CLEC16A: variants seen among roughly 807,000 people sequenced by gnomAD.
CLEC16A encodes the protein protein CLEC16A.
CLEC16A carries 51 observed loss-of-function variants against 109.5 expected under a neutral mutation model. The ratio of observed to expected loss-of-function variants is 0.47; its 90% CI spans 0.37 to 0.59. The LOEUF (loss-of-function observed/expected upper bound fraction) is 0.59, where lower values mean the gene tolerates loss of function less well. Ranked by LOEUF, CLEC16A falls within the 20% of genes least tolerant of loss-of-function variation. CLEC16A has a pLI of 0.00. For missense variants in CLEC16A, 1,339 were observed against 1,394.0 expected (o/e 0.96, Z 0.63); for synonymous variants, 673 against 564.2 (o/e 1.19, Z -2.73).
chr16:11,101,058 TAATA>T (rs1449676433), intron 19 of CLEC16A, among the ~76,000 whole-genome samples: 7 of 152,200 alleles, frequency 4.6e-5, no homozygotes, highest in African/African-American at 7.2e-5. Context: ...TTTGATGAAT[TAATA>T]AATAAAGGAA....
intron 22 of CLEC16A, among the ~76,000 whole-genome samples, chr16:11,137,067 C>G (rs1018347542): frequency 2.0e-5 from 3 of 152,188 alleles, no homozygotes; most frequent in Non-Finnish European, 4.4e-5. Context: ...TCTACTCCAT[C>G]GTGTGAACCA....
rs930064719 is a variant in CLEC16A at position 11,003,119 on chromosome 16, G to A, written c.1117G>A (p.Glu373Lys). The change falls in exon 11 of 24, where the codon GAG becomes AAG. Residue 373 changes from glutamate to lysine, a missense_variant. Around this residue, in one of 3 missense-constraint regions of CLEC16A, gnomAD observed 1,061 missense variants for 1,006.8 expected, o/e 1.05. Transcript: ENST00000409790. ...CTTCATTAAACCCACCGAGACACTC[G>A]AGCGGTCCCTTGAGATGAACAAGCA... is the stretch of plus-strand genomic sequence containing the variant. ...RCFIKPTETL[E>K]RSLEMNKHKG... is the part of the protein sequence containing the mutation. The A allele has an allele frequency of 3.1e-6, 5 of 1,613,604 alleles. No individual in the cohort carries two copies. The highest frequency in any genetic ancestry group is 4.2e-6 in the Non-Finnish European group (5 of 1,179,848).
At chr16:11,042,459 G>T in intron 15 of CLEC16A, 96 bp downstream of exon 15, 1 of 942,718 alleles carries the variant, frequency 1.1e-6, no homozygotes, top group Non-Finnish European at 1.6e-6. Context: ...GCCCTGGCCC[G>T]TGGTGTCATC....
chr16:11,022,194 C>G (rs1014567681), intron 12 of CLEC16A, among the ~76,000 whole-genome samples: 4 of 152,112 alleles, frequency 2.6e-5, no homozygotes, highest in Non-Finnish European at 5.9e-5. Flanking sequence ...GACTGAATGC[C>G]GGGTTAGAGA....
chr16:11,141,417 A>G (rs2053821417), intron 22 of CLEC16A, among the ~76,000 whole-genome samples: 1 of 152,204 alleles, frequency 6.6e-6, no homozygotes, highest in African/African-American at 2.4e-5. Flanking sequence ...GGGATACCTG[A>G]AGTGGTGGGG....
At chr16:11,140,639 C>T (rs187411356) in intron 22 of CLEC16A, among the ~76,000 whole-genome samples, 95 of 152,268 alleles carry the variant, frequency 6.2e-4, no homozygotes, top group African/African-American at 2.1e-3. Flanking sequence ...TTTGTGCTGA[C>T]CCAACACGAA....
At chr16:10,950,342 C>T (rs2041662065) in intron 1 of CLEC16A, among the ~76,000 whole-genome samples, 1 of 152,208 alleles carries the variant, frequency 6.6e-6, no homozygotes, top group South Asian at 2.1e-4. Flanking sequence ...ATATTTGTCA[C>T]AGGATGAACG....
intron 23 of CLEC16A, among the ~76,000 whole-genome samples, chr16:11,172,157 C>T (rs1232719182): frequency 6.6e-6 from 1 of 152,188 alleles, no homozygotes; most frequent in Non-Finnish European, 1.5e-5. Context: ...TGCACATGCT[C>T]ACACAGTCAC....
chr16:11,163,793 C>A (rs1380251659), intron 22 of CLEC16A, among the ~76,000 whole-genome samples: 1 of 152,178 alleles, frequency 6.6e-6, no homozygotes, highest in African/African-American at 2.4e-5. Context: ...CGGGAGCATA[C>A]AAGGTGTAAT....
intron 22 of CLEC16A, among the ~76,000 whole-genome samples, chr16:11,131,772 G>A (rs1031785698): frequency 8.5e-5 from 13 of 152,074 alleles, no homozygotes; most frequent in Non-Finnish European, 1.5e-4. Flanking sequence ...GTGGCCCATG[G>A]TCCCATGCAG....
At chr16:11,041,265 G>A (rs1451865911) in intron 14 of CLEC16A, 5 of 152,204 alleles carry the variant, frequency 3.3e-5, no homozygotes, top group African/African-American at 7.2e-5. Flanking sequence ...TAAAGTGTTC[G>A]GCACTGTGCC....
chr16:11,047,557 G>T (rs1366873137), intron 17 of CLEC16A: 2 of 394,326 alleles, frequency 5.1e-6, no homozygotes, highest in Middle Eastern at 1.3e-3. Flanking sequence ...GGTGTCCGAT[G>T]AATCAGGATG....
At chr16:11,000,480 G>A (rs2044604584) in intron 10 of CLEC16A, among the ~76,000 whole-genome samples, 1 of 152,160 alleles carries the variant, frequency 6.6e-6, no homozygotes, top group African/African-American at 2.4e-5. Flanking sequence ...AATTCACTAG[G>A]AGTTGGCAGT....
chr16:11,022,637 T>C (rs975517158), intron 12 of CLEC16A, among the ~76,000 whole-genome samples: 19 of 152,226 alleles, frequency 1.2e-4, no homozygotes, highest in South Asian at 1.2e-3. Context: ...CAGTGGCTCA[T>C]GCCTGTAATC....
At chr16:11,016,322 C>A (rs1447854919) in intron 11 of CLEC16A, among the ~76,000 whole-genome samples, 1 of 150,614 alleles carries the variant, frequency 6.6e-6, no homozygotes, top group African/African-American at 2.5e-5. Context: ...GCAGTCTGCA[C>A]CACGTTCGAA....
intron 19 of CLEC16A, among the ~76,000 whole-genome samples, chr16:11,101,047 G>A (rs1254171034): frequency 1.3e-5 from 2 of 152,128 alleles, no homozygotes; most frequent in Non-Finnish European, 2.9e-5. Context: ...CACAGTAACT[G>A]TTTGATGAAT....
chr16:11,027,405 C>G (rs1403136495), intron 13 of CLEC16A: 2 of 1,438,852 alleles, frequency 1.4e-6, no homozygotes, highest in Non-Finnish European at 1.9e-6. Flanking sequence ...CCCCCAGAAT[C>G]TACAAATGCT....
chr16:11,140,402 A>C (rs1794148155), intron 22 of CLEC16A, among the ~76,000 whole-genome samples: 1 of 152,206 alleles, frequency 6.6e-6, no homozygotes, highest in Non-Finnish European at 1.5e-5. Context: ...ACATTTACAA[A>C]GTCTTGGGCA....
intron 19 of CLEC16A, among the ~76,000 whole-genome samples, chr16:11,064,831 AAATG>A (rs1232404115): frequency 1.3e-5 from 2 of 152,192 alleles, no homozygotes; most frequent in Non-Finnish European, 2.9e-5. Flanking sequence ...CAAGGAGCTC[AAATG>A]AGATCACATG....
Sources: allele counts gnomAD v4.1 joint callset (sites outside exome capture counted in the v4.1 genomes callset), GRCh38; gene constraint gnomAD v4.1.1; regional missense constraint gnomAD v4.1.1; transcripts MANE v1.5; gene names NCBI Gene and HGNC (gene_info 2026-07-23, HGNC 2026-07-21).